The following METTL15 variants were observed in gnomAD, a reference collection of about 807,000 sequenced individuals.
The protein encoded by METTL15 is 12S rRNA N(4)-cytidine methyltransferase METTL15.
A neutral mutation model predicts 38.3 loss-of-function variants in METTL15; 34 were observed. The ratio of observed to expected loss-of-function variants is 0.89; its 90% CI spans 0.68 to 1.18. The LOEUF (loss-of-function observed/expected upper bound fraction) is 1.18. Ranked by LOEUF, METTL15 falls within the 50% of genes most tolerant of loss-of-function variation. The probability of loss-of-function intolerance (pLI) is 0.00; values close to 1 mark genes in which losing one functional copy is unlikely to be tolerated. For synonymous variants in METTL15, 162 were observed against 170.9 expected, an observed-to-expected ratio of 0.95 and a Z score of 0.41; for missense variants, 438 against 498.4, an observed-to-expected ratio of 0.88 and a Z score of 1.15.
chr11:28,223,315 C>G (rs1014724007), intron 4 of METTL15, among the ~76,000 whole-genome samples: 10 of 151,844 alleles, frequency 6.6e-5, no homozygotes, highest in African/African-American at 2.4e-4. Context: ...ATAGAAAATT[C>G]AGAGTTATAT....
At chr11:28,517,460 A>G (rs1321804112) in intron 6 of METTL15, 4 of 152,158 alleles carry the variant, frequency 2.6e-5, no homozygotes, top group African/African-American at 9.7e-5. Flanking sequence ...CTAAGAGGCA[A>G]TCCTTTCGTT....
chr11:28,409,379 CT>C (rs1173378801), intron 5 of METTL15, among the ~76,000 whole-genome samples: 1 of 33,686 alleles, frequency 3.0e-5, no homozygotes, highest in East Asian at 7.1e-4. Context: ...GAGACTCCGT[CT>C]CAAAAAAAAA....
intron 6 of METTL15, among the ~76,000 whole-genome samples, chr11:28,499,099 G>A (rs761829286): frequency 6.6e-6 from 1 of 152,114 alleles, no homozygotes; most frequent in Non-Finnish European, 1.5e-5. Context: ...TAGGCCTTAC[G>A]TTGTCTACCT....
intron 6 of METTL15, among the ~76,000 whole-genome samples, chr11:28,517,480 G>A (rs1460545906): frequency 1.3e-5 from 2 of 152,102 alleles, no homozygotes; most frequent in African/African-American, 4.8e-5. Flanking sequence ...TGTGAGAGGG[G>A]TGGGCATCCA....
rs987193075 is a variant in METTL15, at chr11:28,310,824, A to G, written c.778+13893A>G. 2.8e-4 allele frequency among the ~76,000 whole-genome samples: 42 copies of G among 151,732 alleles called. No individual in the cohort carries two copies. In the East Asian group the frequency reaches 7.8e-3, roughly 28 times the overall value. On this transcript the variant is annotated intron_variant, in intron 6 of 6. Transcript: ENST00000407364. ...TGATATATCTTCCACCTGGAAAAAAATCTCTTTCCGTCTCCACCAGTTGAA... is the reference window on the plus strand; with the variant it reads ...TGATATATCTTCCACCTGGAAAAAAGTCTCTTTCCGTCTCCACCAGTTGAA...
In METTL15 at chr11:28,372,702, C is replaced by G. The variant is rs1216978399; in HGVS notation, c.*358+10666C>G. 4.6e-5 allele frequency among the ~76,000 whole-genome samples: 7 copies of G among 150,634 alleles called. No homozygotes were observed. In the East Asian group the frequency reaches 9.8e-4, roughly 21 times the overall value. ...GTTACATATGTATACATGTGCCATG[C>G]TGGTGTGCTGCACCCACTAACTAGT... is the stretch of plus-strand genomic sequence containing the variant. On this transcript the variant is annotated intron_variant and NMD_transcript_variant, in intron 5 of 7. Transcript: ENST00000532947.
chr11:28,361,306 T>A (rs1850136214), intron 4 of METTL15, among the ~76,000 whole-genome samples: 1 of 151,470 alleles, frequency 6.6e-6, no homozygotes, highest in African/African-American at 2.4e-5. Flanking sequence ...TTTCTCCACA[T>A]CCTCTCCAGC....
intron 4 of METTL15, among the ~76,000 whole-genome samples, chr11:28,224,594 A>G (rs913322333): frequency 6.6e-6 from 1 of 151,874 alleles, no homozygotes; most frequent in African/African-American, 2.4e-5. Context: ...TTCTACTTAT[A>G]TATTATCAGC....
intron 4 of METTL15, among the ~76,000 whole-genome samples, chr11:28,217,315 A>T (rs1205544003): frequency 6.6e-6 from 1 of 152,206 alleles, no homozygotes. Flanking sequence ...ATGGCCAGTG[A>T]TGATGAGCAT....
intron 6 of METTL15, among the ~76,000 whole-genome samples, chr11:28,489,233 T>A (rs1301062908): frequency 6.6e-6 from 1 of 152,170 alleles, no homozygotes; most frequent in Non-Finnish European, 1.5e-5. Flanking sequence ...GCCACATGTT[T>A]GGTACCCCAG....
At chr11:28,421,806 G>T (rs1167263651) in intron 5 of METTL15, among the ~76,000 whole-genome samples, 1 of 151,950 alleles carries the variant, frequency 6.6e-6, no homozygotes, top group Non-Finnish European at 1.5e-5. Flanking sequence ...CTTCACTACT[G>T]TTATTCAACA....
chr11:28,365,344 A>G (rs889552798), intron 5 of METTL15, among the ~76,000 whole-genome samples: 1 of 152,104 alleles, frequency 6.6e-6, no homozygotes, highest in African/African-American at 2.4e-5. Flanking sequence ...TACTGATTCA[A>G]TTTCTGAACT....
intron 4 of METTL15, among the ~76,000 whole-genome samples, chr11:28,360,971 C>T (rs1850133153): frequency 6.6e-6 from 1 of 151,970 alleles, no homozygotes. Context: ...ATCCATGTCC[C>T]TACAAAGGAC....
At chr11:28,398,003 A>G (rs1850590250) in intron 5 of METTL15, among the ~76,000 whole-genome samples, 1 of 151,332 alleles carries the variant, frequency 6.6e-6, no homozygotes, top group Admixed American at 6.6e-5. Flanking sequence ...AAACCAAAAC[A>G]CCGCATGTTC....
chr11:28,395,792 A>G lies in METTL15; in HGVS notation c.*359-28507A>G, dbSNP rs535396954. On this transcript the variant is annotated intron_variant and NMD_transcript_variant, in intron 5 of 7. Transcript: ENST00000532947. ...ACCAAAGCCGGGCAGAGACACAACAAAAAAAGAGAATTTTAGACCAATATC... is the reference window on the plus strand; with the variant it reads ...ACCAAAGCCGGGCAGAGACACAACAGAAAAAGAGAATTTTAGACCAATATC... Among the ~76,000 whole-genome samples the G allele has an allele frequency of 7.1e-4, 108 of 152,244 alleles. 2 individuals are homozygous for G. The Middle Eastern group carries it at 0.027, about 38-fold the overall frequency.
intron 6 of METTL15, among the ~76,000 whole-genome samples, chr11:28,501,663 T>C (rs1434118742): frequency 6.6e-6 from 1 of 152,162 alleles, no homozygotes; most frequent in Non-Finnish European, 1.5e-5. Flanking sequence ...TTTTGCCAGC[T>C]GCAAACTTCA....
intron 4 of METTL15, among the ~76,000 whole-genome samples, chr11:28,250,604 C>G (rs1488248748): frequency 6.6e-6 from 1 of 151,500 alleles, no homozygotes; most frequent in Non-Finnish European, 1.5e-5. Flanking sequence ...TCATTTGCTT[C>G]TTTCTCAGAA....
chr11:28,447,997 C>A (rs1851089150), intron 6 of METTL15, among the ~76,000 whole-genome samples: 1 of 152,040 alleles, frequency 6.6e-6, no homozygotes, highest in South Asian at 2.1e-4. Flanking sequence ...GGATCATAGT[C>A]CCCCCTCCAC....
intron 4 of METTL15, among the ~76,000 whole-genome samples, chr11:28,229,617 G>A (rs1853610600): frequency 6.6e-6 from 1 of 151,948 alleles, no homozygotes; most frequent in Non-Finnish European, 1.5e-5. Context: ...GCCATGTGAG[G>A]ACACAGCAAG....
Sources: gnomAD v4.1 joint callset for allele counts (sites outside exome capture counted in the v4.1 genomes callset) on GRCh38, gnomAD v4.1.1 for gene constraint, MANE v1.5 for transcripts, NCBI Gene and HGNC (gene_info 2026-07-23, HGNC 2026-07-21) for gene names.